Variants in ICE2 observed in about 807,000 individuals in gnomAD.
The protein encoded by ICE2 is little elongation complex subunit 2.
ICE2 carries 87 observed loss-of-function variants against 105.4 expected under a neutral mutation model. The ratio of observed to expected loss-of-function variants is 0.83; its 90% confidence interval spans 0.69 to 0.99. ICE2 has a LOEUF of 0.99. Ranked by LOEUF, ICE2 falls within the 50% of genes least tolerant of loss-of-function variation. The pLI, the probability that ICE2 is intolerant of heterozygous loss-of-function variation, is 0.00. For missense variants in ICE2, 1,323 were observed against 1,146.7 expected, an observed-to-expected ratio of 1.15 and a Z score of -2.22; for synonymous variants, 399 against 392.0, an observed-to-expected ratio of 1.02 and a Z score of -0.21.
Position 60,419,802 on chromosome 15 carries a change from C to G in ICE2, c.*3832G>C, listed in dbSNP as rs752184156. ...ATCTTTACAACATGCCCATTAGGAA[C>G]TACAGATGCAGTATGCTAATGAAAA... On this transcript the variant is annotated 3_prime_UTR_variant, in exon 16 of 16. Coordinates refer to ENST00000261520, the MANE Select transcript of ICE2 (RefSeq NM_024611.6). The G allele has an allele frequency of 8.5e-5, 13 of 152,226 alleles. No homozygotes were observed. The highest frequency in any genetic ancestry group is 1.5e-4 in the Non-Finnish European group (10 of 68,038). 9.4% of individuals were successfully genotyped at this position (152,226 alleles called of 1,614,324 possible). A position where few individuals can be genotyped will look rare whatever the true frequency, so the allele number is the denominator to read the frequency against.
At chr15:60,442,375 A>G in intron 12 of ICE2, 41 bp downstream of exon 12, 7 of 1,536,962 alleles carry the variant, frequency 4.6e-6, no homozygotes, top group South Asian at 3.6e-5. Context: ...TGTAATTACA[A>G]GAAAATTAAA....
intron 13 of ICE2, among the ~76,000 whole-genome samples, chr15:60,433,039 A>T (rs1381956965): frequency 6.6e-6 from 1 of 152,146 alleles, no homozygotes; most frequent in Non-Finnish European, 1.5e-5. Flanking sequence ...GTGATGACAG[A>T]GAAGCCACTC....
chr15:60,477,553 T>G (rs1444804077), intron 2 of ICE2, among the ~76,000 whole-genome samples: 1 of 152,254 alleles, frequency 6.6e-6, no homozygotes, highest in East Asian at 1.9e-4. Context: ...TATCATTTGA[T>G]ATAGATTTCA....
chr15:60,428,627 A>G lies in ICE2; in HGVS notation c.2622T>C (p.Tyr874=). Residue 874 remains tyrosine (Y), a synonymous_variant, in exon 15 of 16, where the codon TAT becomes TAC. Coordinates refer to ENST00000261520, the MANE Select transcript of ICE2 (RefSeq NM_024611.6). ...TAGTAACTTTTCCATCAGAGGCCTT[A>G]TAAATCAGGAGTGAAGAATCTTCTG... The part of the protein sequence containing the change: ...HAAEDSSLLI[Y]KASDGKVTRT... The G allele has an allele frequency of 6.2e-7, 1 of 1,614,160 alleles. No individual in the cohort carries two copies. Among genetic ancestry groups the G allele is most frequent in the Non-Finnish European group, 8.5e-7 (1 of 1,180,004 alleles).
intron 7 of ICE2, 32 bp downstream of exon 7, chr15:60,455,294 T>G (rs939919150): frequency 4.0e-5 from 62 of 1,562,926 alleles, no homozygotes; most frequent in Non-Finnish European, 5.5e-5. Context: ...AAAAGATTAT[T>G]TAGGAAGATC....
intron 15 of ICE2, among the ~76,000 whole-genome samples, chr15:60,424,283 A>G (rs1331525168): frequency 7.1e-6 from 1 of 139,974 alleles, no homozygotes; most frequent in Non-Finnish European, 1.5e-5. Flanking sequence ...AAAGGGAAGT[A>G]AAAAAAAAAC....
rs1295084287 is a variant in ICE2, at chr15:60,478,157, C to CTA, written c.-92-90_-92-89dup. The CTA allele has an allele frequency of 8.1e-6, 5 of 617,648 alleles. No individual in the cohort carries two copies. In the East Asian group the frequency reaches 1.4e-4, roughly 17 times the overall value. 38.3% of individuals were successfully genotyped at this position (617,648 alleles called of 1,614,324 possible). On this transcript the variant is annotated intron_variant, in intron 1 of 15. Transcript: ENST00000261520. ...TGAGGAAGAATCTCTCCCTAAACAT[C>CTA]TACCCTCAACAGACTGTGGCACCTA...
Position 60,420,872 on chromosome 15 carries a change from C to G in ICE2, c.*2762G>C, listed in dbSNP as rs1232796137. On this transcript the variant is annotated 3_prime_UTR_variant, in exon 16 of 16. Coordinates refer to ENST00000261520, the MANE Select transcript of ICE2 (RefSeq NM_024611.6). ...AATCTTTGATACCTACACATTCATG[C>G]ATCTAACTAATATCTGCTAAGCAAC... is the stretch of plus-strand genomic sequence containing the variant. 1 of 152,158 alleles carries G rather than the reference C, an allele frequency of 6.6e-6. No individual in the cohort carries two copies. Among genetic ancestry groups the G allele is most frequent in the Non-Finnish European group, 1.5e-5 (1 of 68,036 alleles). The allele number at this position is 152,158 out of a possible 1,614,324, so 9.4% of individuals were successfully genotyped here. A position where few individuals can be genotyped will look rare whatever the true frequency, so the allele number is the denominator to read the frequency against.
rs1328956504 is a variant in ICE2, at chr15:60,456,582, T to TACAC, written c.666+74_666+75insGTGT. 448 of 129,068 alleles carry TACAC rather than the reference T, an allele frequency of 3.5e-3. 5 individuals carry two copies. Among genetic ancestry groups the TACAC allele is most frequent in the East Asian group, 0.024 (56 of 2,344 alleles). The allele number at this position is 129,068 out of a possible 1,614,324, so 8.0% of individuals were successfully genotyped here. On this transcript the variant is annotated intron_variant, in intron 6 of 15. Coordinates refer to ENST00000261520, the MANE Select transcript of ICE2 (RefSeq NM_024611.6). ...AAATAAATAAATATATATATATATATATACACACACACACACACACACACA... is the reference window on the plus strand; with the variant it reads ...AAATAAATAAATATATATATATATATACACATACACACACACACACACACACACA...
In ICE2 at chr15:60,420,053, G is replaced by C. The variant is rs1176203568; in HGVS notation, c.*3581C>G. 6.6e-6 allele frequency: 1 copy of C among 151,888 alleles called. No homozygotes were observed. Among genetic ancestry groups the C allele is most frequent in the African/African-American group, 2.4e-5 (1 of 41,280 alleles). 9.4% of individuals were successfully genotyped at this position (151,888 alleles called of 1,614,324 possible). On this transcript the variant is annotated 3_prime_UTR_variant, in exon 16 of 16. Transcript: ENST00000261520. ...TTACAGAAACTGTGAGATAATGTTT[G>C]TTGTTTTAAGTAGCTAAGTTTTGGG... is the stretch of plus-strand genomic sequence containing the variant.
chr15:60,452,149 A>G lies in ICE2; in HGVS notation c.1125+1454T>C, dbSNP rs545886843. On this transcript the variant is annotated intron_variant, in intron 9 of 15. Coordinates refer to ENST00000261520, the MANE Select transcript of ICE2 (RefSeq NM_024611.6). ...AATATAAGTTTTAGGCAGATTTTTA[A>G]AAGTAAAATGTGTAAGAAGAAAACA... is the stretch of plus-strand genomic sequence containing the variant. 1.0e-5 allele frequency: 10 copies of G among 980,554 alleles called. No individual in the cohort carries two copies. The Admixed American group carries it at 6.1e-4, about 60-fold the overall frequency. The allele number at this position is 980,554 out of a possible 1,614,324, so 60.7% of individuals were successfully genotyped here.
At chr15:60,460,118 G>A (rs986067062) in intron 5 of ICE2, among the ~76,000 whole-genome samples, 3 of 152,026 alleles carry the variant, frequency 2.0e-5, no homozygotes, top group African/African-American at 7.3e-5. Flanking sequence ...ATGATCTCAG[G>A]ACTACAAAAC....
At chr15:60,458,916 TAC>T (rs1426146392) in intron 5 of ICE2, among the ~76,000 whole-genome samples, 1 of 152,066 alleles carries the variant, frequency 6.6e-6, no homozygotes, top group Non-Finnish European at 1.5e-5. Context: ...ATGAAACTTA[TAC>T]AGACAGAAAC....
At chr15:60,478,323 G>C (rs1318471858) in intron 1 of ICE2, among the ~76,000 whole-genome samples, 1 of 152,212 alleles carries the variant, frequency 6.6e-6, no homozygotes, top group African/African-American at 2.4e-5. Flanking sequence ...ACAGAACGGT[G>C]TTCTCATTGC....
In ICE2 at chr15:60,476,156, G is replaced by T; in HGVS notation, c.53C>A (p.Pro18His). Residue 18 changes from proline to histidine, a missense_variant, in exon 3 of 16, where the codon CCC becomes CAC. Pro to His is a moderately conservative substitution (Grantham distance 77). Coordinates refer to ENST00000261520, the MANE Select transcript of ICE2 (RefSeq NM_024611.6). ...SEPGLNWDIS[P>H]KNGLKTFFSR... ...GAAAAATGTCTTAAGGCCATTTTTG[G>T]GGGAAATATCCCTGTGAAACAAAGT... 6.3e-7 allele frequency: 1 copy of T among 1,594,586 alleles called. No individual in the cohort carries two copies. The highest frequency in any genetic ancestry group is 8.5e-7 in the Non-Finnish European group (1 of 1,169,776).
intron 6 of ICE2, 69 bp downstream of exon 6, chr15:60,456,588 C>CACACAT (rs1566995123): frequency 7.4e-6 from 2 of 269,734 alleles, no homozygotes; most frequent in Admixed American, 6.0e-5. Flanking sequence ...TATATATACA[C>CACACAT]ACACACACAC....
chr15:60,447,688 A>C (rs2063853743), intron 11 of ICE2: 1 of 221,138 alleles, frequency 4.5e-6, no homozygotes, highest in Non-Finnish European at 8.8e-6. Context: ...GCCGGAGCTT[A>C]AAAGTTTTCA....
At chr15:60,425,746 T>C (rs2063327014) in intron 15 of ICE2, among the ~76,000 whole-genome samples, 1 of 152,204 alleles carries the variant, frequency 6.6e-6, no homozygotes, top group South Asian at 2.1e-4. Context: ...CTATTTCATA[T>C]AGGTCTTACT....
At chr15:60,477,883 C>A (rs2064810042) in intron 2 of ICE2, 54 bp downstream of exon 2, 2 of 1,421,188 alleles carry the variant, frequency 1.4e-6, no homozygotes, top group Non-Finnish European at 2.0e-6. Context: ...CTTATGTCAA[C>A]CATCAGCCCC....
Sources: gnomAD v4.1 joint callset for allele counts (sites outside exome capture counted in the v4.1 genomes callset) on GRCh38, gnomAD v4.1.1 for gene constraint, MANE v1.5 for transcripts, NCBI Gene and HGNC (gene_info 2026-07-23, HGNC 2026-07-21) for gene names.